Variants in NAV3 observed in about 807,000 individuals in gnomAD.
The protein encoded by NAV3 is neuron navigator 3.
In NAV3, 87 loss-of-function variants were observed where a neutral mutation model predicts 244.7. That is an observed-to-expected ratio of 0.36 (90% CI 0.30 to 0.42). The LOEUF is 0.42. Ranked by LOEUF, NAV3 falls within the 20% of genes least tolerant of loss-of-function variation. NAV3 has a pLI of 1.00. For synonymous variants in NAV3, 1,126 were observed against 1,042.2 expected, an observed-to-expected ratio of 1.08 and a Z score of -1.55; for missense variants, 2,663 against 2,893.3, an observed-to-expected ratio of 0.92 and a Z score of 1.83.
chr12:77,679,507 A>G (rs542752566), intron 2 of NAV3, among the ~76,000 whole-genome samples: 2 of 152,068 alleles, frequency 1.3e-5, no homozygotes, highest in South Asian at 2.1e-4. Context: ...GGGTACATAC[A>G]TAAGTCTGGA....
At chr12:77,662,227 GTCTA>G (rs71088326) in intron 2 of NAV3, among the ~76,000 whole-genome samples, 101 of 146,052 alleles carry the variant, frequency 6.9e-4, no homozygotes, top group South Asian at 3.0e-3. Flanking sequence ...ATATCTATCT[GTCTA>G]TCTATCTATC....
intron 9 of NAV3, among the ~76,000 whole-genome samples, chr12:78,044,364 T>C (rs754392834): frequency 2.0e-5 from 3 of 152,240 alleles, no homozygotes; most frequent in Non-Finnish European, 4.4e-5. Flanking sequence ...TCAGGTAGCA[T>C]GATGCTTCCA....
intron 12 of NAV3, among the ~76,000 whole-genome samples, chr12:78,107,609 A>T (rs955461393): frequency 6.7e-6 from 1 of 148,788 alleles, no homozygotes; most frequent in Non-Finnish European, 1.5e-5. Context: ...GTGCTTAAAG[A>T]AAAAAAAAAC....
chr12:77,795,699 T>C (rs1219503534), intron 2 of NAV3, among the ~76,000 whole-genome samples: 1 of 152,160 alleles, frequency 6.6e-6, no homozygotes, highest in Non-Finnish European at 1.5e-5. Context: ...GTAGGCTGAC[T>C]CTAACGTTAA....
chr12:77,735,717 T>A (rs1346308514), intron 2 of NAV3, among the ~76,000 whole-genome samples: 1 of 152,224 alleles, frequency 6.6e-6, no homozygotes, highest in African/African-American at 2.4e-5. Flanking sequence ...TACTTTAAAA[T>A]TGGATTTTGC....
chr12:78,155,994 T>C (rs1437653640), intron 22 of NAV3, among the ~76,000 whole-genome samples: 1 of 152,168 alleles, frequency 6.6e-6, no homozygotes, highest in Non-Finnish European at 1.5e-5. Context: ...GCTGAAGGTC[T>C]TTAATTAGAT....
At chr12:77,689,754 T>G (rs984406611) in intron 2 of NAV3, among the ~76,000 whole-genome samples, 2 of 151,876 alleles carry the variant, frequency 1.3e-5, no homozygotes, top group African/African-American at 4.8e-5. Context: ...TTTTAGGTAT[T>G]TTTATTTAAG....
intron 2 of NAV3, among the ~76,000 whole-genome samples, chr12:77,672,817 G>T (rs1461580024): frequency 1.3e-5 from 2 of 150,986 alleles, no homozygotes; most frequent in East Asian, 3.9e-4. Flanking sequence ...AAATAAAAAA[G>T]AAATTAAAAA....
intron 9 of NAV3, among the ~76,000 whole-genome samples, chr12:78,037,795 T>A (rs1265882479): frequency 2.0e-5 from 3 of 152,164 alleles, no homozygotes; most frequent in Non-Finnish European, 2.9e-5. Flanking sequence ...ATGAAGGGCC[T>A]CCTGGGTAAA....
intron 2 of NAV3, among the ~76,000 whole-genome samples, chr12:77,749,855 T>C (rs1354798740): frequency 6.6e-6 from 1 of 152,200 alleles, no homozygotes; most frequent in African/African-American, 2.4e-5. Context: ...AGGTGTTTTC[T>C]AAAATATTTG....
chr12:77,854,954 C>T (rs912052056), intron 1 of NAV3, among the ~76,000 whole-genome samples: 2 of 151,950 alleles, frequency 1.3e-5, no homozygotes, highest in African/African-American at 2.4e-5. Flanking sequence ...GATGAAACCC[C>T]GTCTCTACTA....
rs1174558201 is a variant in NAV3, at chr12:77,686,118, T to C, written c.72+113852T>C. Among the ~76,000 whole-genome samples the C allele has an allele frequency of 2.0e-5, 3 of 152,176 alleles. No homozygotes were observed. In the East Asian group the frequency reaches 5.8e-4, roughly 29 times the overall value. ...ATTCAGAGCCTAGATATAGTGATTA[T>C]TAAGGGATGGATTTATGTATGTATG... On this transcript the variant is annotated intron_variant, in intron 2 of 8. Coordinates refer to the NAV3 transcript ENST00000550042.
At chr12:77,845,077 G>A (rs960638415) in intron 1 of NAV3, among the ~76,000 whole-genome samples, 1 of 151,980 alleles carries the variant, frequency 6.6e-6, no homozygotes, top group Non-Finnish European at 1.5e-5. Flanking sequence ...ATATCAATAA[G>A]CATAGAACTA....
chr12:77,624,459 G>A (rs1871525283), intron 2 of NAV3, among the ~76,000 whole-genome samples: 1 of 152,084 alleles, frequency 6.6e-6, no homozygotes, highest in Non-Finnish European at 1.5e-5. Context: ...AAAGGATCCA[G>A]TCTGATGTTT....
intron 2 of NAV3, among the ~76,000 whole-genome samples, chr12:77,699,395 C>G (rs1413591754): frequency 6.6e-6 from 1 of 152,128 alleles, no homozygotes; most frequent in East Asian, 1.9e-4. Flanking sequence ...TGCTGCAAAA[C>G]AAACCACCTG....
chr12:77,994,599 TGCA>T (rs1872036865), intron 5 of NAV3, among the ~76,000 whole-genome samples: 1 of 142,920 alleles, frequency 7.0e-6, no homozygotes, highest in African/African-American at 2.7e-5. Flanking sequence ...AGGTGTGCAC[TGCA>T]TTATTTCATA....
Position 78,140,305 on chromosome 12 carries a change from G to A in NAV3, c.4654G>A (p.Val1552Met), listed in dbSNP as rs777931932. Residue 1552 changes from valine to methionine, a missense_variant, in exon 20 of 40, where the codon GTG becomes ATG. Around this residue, in one of 6 missense-constraint regions of NAV3, gnomAD observed 354 missense variants for 413.0 expected, o/e 0.86. Coordinates refer to ENST00000397909, the MANE Select transcript of NAV3 (RefSeq NM_001024383.2). The part of the protein sequence containing the change: ...EEVHGSSLSL[V>M]SSTSSLYSTA... ...AGTTCATGGCTCTTCATTATCACTGGTGTCCAGCACTTCTTCTCTTTACTC... is the reference window on the plus strand; with the variant it reads ...AGTTCATGGCTCTTCATTATCACTGATGTCCAGCACTTCTTCTCTTTACTC... 6.2e-7 allele frequency: 1 copy of A among 1,613,298 alleles called. No individual in the cohort carries two copies. The highest frequency in any genetic ancestry group is 1.7e-5 in the Admixed American group (1 of 59,966).
rs919179907 is a variant in NAV3 at position 77,778,669 on chromosome 12, AT to A, written c.73-161643del. The stretch of plus-strand genomic sequence containing the variant: ...ATATTAACAATGGGAAAGAGACTTT[AT>A]TTTTTTAATAAAGCAAGAGCTTTGC... On this transcript the variant is annotated intron_variant, in intron 2 of 8. Coordinates refer to the NAV3 transcript ENST00000550042. Among the ~76,000 whole-genome samples, 26 of 151,732 alleles carry A rather than the reference AT, an allele frequency of 1.7e-4. 1 individual carries two copies. Among genetic ancestry groups the A allele is most frequent in the African/African-American group, 6.3e-4 (26 of 41,412 alleles).
chr12:77,867,388 C>A (rs1880210980), intron 1 of NAV3, among the ~76,000 whole-genome samples: 1 of 151,648 alleles, frequency 6.6e-6, no homozygotes, highest in Non-Finnish European at 1.5e-5. Flanking sequence ...ATAAATTACC[C>A]AGTCTCAGGT....
Sources: gnomAD v4.1 joint callset for allele counts (sites outside exome capture counted in the v4.1 genomes callset) on GRCh38, gnomAD v4.1.1 for gene constraint, gnomAD v4.1.1 regional missense constraint, MANE v1.5 for transcripts, NCBI Gene and HGNC (gene_info 2026-07-23, HGNC 2026-07-21) for gene names.